The following AMN variants were observed in gnomAD, a reference collection of about 807,000 sequenced individuals.
AMN encodes protein amnionless.
AMN carries 40 observed loss-of-function variants against 49.1 expected under a neutral mutation model. The observed-to-expected ratio is 0.81, with a 90% CI of 0.63 to 1.06. AMN has a LOEUF of 1.06. Among genes scored for constraint, AMN ranks in the 50% least tolerant of loss-of-function variants. The pLI, the probability that AMN is intolerant of heterozygous loss-of-function variation, is 0.00. For synonymous variants in AMN, 380 were observed against 313.3 expected, an observed-to-expected ratio of 1.21 and a Z score of -2.25; for missense variants, 701 against 662.8, an observed-to-expected ratio of 1.06 and a Z score of -0.63.
chr14:102,923,788 A>G lies in AMN; in HGVS notation c.121A>G (p.Thr41Ala). The G allele has an allele frequency of 6.2e-7, 1 of 1,612,558 alleles. No homozygotes were observed. The highest frequency in any genetic ancestry group is 1.1e-5 in the South Asian group (1 of 91,066). ...CGCAGCCAACTGGAGCCAGAACCGG[A>G]CCCCGTGCGCCGGCGGCGCCGTTGA... is the stretch of plus-strand genomic sequence containing the variant. ...DVAANWSQNR[T>A]PCAGGAVEFP... Residue 41 changes from threonine (T) to alanine (A), a missense_variant, in exon 2 of 12, where the codon ACC becomes GCC. Transcript: ENST00000299155.
At chr14:102,929,848 G>A in intron 8 of AMN, 76 bp from the exon 9 acceptor site, 1 of 1,546,134 alleles carries the variant, frequency 6.5e-7, no homozygotes, top group Middle Eastern at 1.7e-4. Context: ...CCCACTATCT[G>A]CCTCTGCCCT....
In AMN at chr14:102,929,999, A is replaced by C; in HGVS notation, c.919A>C (p.Ile307Leu). ...SSRLREADTE[I>L]QVVLVENGPE... ...CCGGCTCCGTGAGGCCGATACGGAG[A>C]TCCAGGTGGTGCTGGTGGAGAATGG... The change falls in exon 9 of 12, where the codon ATC (isoleucine) becomes CTC (leucine). Residue 307 changes from isoleucine to leucine, a missense_variant. Coordinates refer to ENST00000299155, the MANE Select transcript of AMN (RefSeq NM_030943.4). 2 of 1,561,420 alleles carry C rather than the reference A, an allele frequency of 1.3e-6. No individual in the cohort carries two copies. Among genetic ancestry groups the C allele is most frequent in the Non-Finnish European group, 1.7e-6 (2 of 1,153,794 alleles).
chr14:102,928,685 G>C, intron 4 of AMN, 73 bp from the exon 5 acceptor site: 2 of 1,511,660 alleles, frequency 1.3e-6, no homozygotes, highest in South Asian at 2.3e-5. Flanking sequence ...GCTCAGACGC[G>C]TGGCGTGGCG....
rs747910380 is a variant in AMN, at chr14:102,922,730, C to T, written c.42C>T (p.Cys14=). The T allele has an allele frequency of 6.3e-6, 10 of 1,587,252 alleles. No homozygotes were observed. Among genetic ancestry groups the T allele is most frequent in the South Asian group, 2.3e-5 (2 of 87,236 alleles). The part of the protein sequence containing the change: ...LGRVLLWLQL[C]ALTQAVSKLW... The stretch of plus-strand genomic sequence containing the variant: ...GGGTCCTGCTGTGGCTGCAGCTCTG[C>T]GGTGAGCCGGGACCACACCGGTGCG... The change falls in exon 1 of 12, where the codon TGC becomes TGT. Residue 14 remains cysteine, a splice_region_variant and synonymous_variant. Transcript: ENST00000299155.
Position 102,929,163 on chromosome 14 carries a change from C to CG in AMN, c.557dup (p.Ala187ArgfsTer65). The CG allele has an allele frequency of 6.3e-7, 1 of 1,596,010 alleles. No homozygotes were observed. Among genetic ancestry groups the CG allele is most frequent in the East Asian group, 2.2e-5 (1 of 44,810 alleles). ...GGACCTGGCTGTTTTCCTGGCGTCCCGCGCGGGCCGCCTACGCTTCCACGG... is the reference window on the plus strand; with the variant it reads ...GGACCTGGCTGTTTTCCTGGCGTCCCGGCGCGGGCCGCCTACGCTTCCACGG... On this transcript the variant is annotated frameshift_variant, in exon 6 of 12. Transcript: ENST00000299155. LOFTEE classifies it high-confidence loss of function.
At chr14:102,922,855 G>C (rs1332980925) in intron 1 of AMN, 124 bp downstream of exon 1, 12 of 1,359,300 alleles carry the variant, frequency 8.8e-6, no homozygotes, top group African/African-American at 1.5e-5. Flanking sequence ...GCTTTGGAGG[G>C]TTGGGGGCGT....
At chr14:102,922,863 C>G in intron 1 of AMN, 132 bp downstream of exon 1, 5 of 1,279,552 alleles carry the variant, frequency 3.9e-6, no homozygotes, top group Non-Finnish European at 4.3e-6. Context: ...GGGTTGGGGG[C>G]GTGAAACTCG....
chr14:102,923,768 C>T lies in AMN; in HGVS notation c.101C>T (p.Ala34Val). 6.2e-7 allele frequency: 1 copy of T among 1,612,810 alleles called. No homozygotes were observed. The highest frequency in any genetic ancestry group is 8.5e-7 in the Non-Finnish European group (1 of 1,179,888). Residue 34 changes from alanine to valine, a missense_variant, in exon 2 of 12, where the codon GCC (alanine) becomes GTC (valine). Transcript: ENST00000299155. ...CCCAACACGGACTTCGACGTCGCAG[C>T]CAACTGGAGCCAGAACCGGACCCCG... is the stretch of plus-strand genomic sequence containing the variant. ...WVPNTDFDVA[A>V]NWSQNRTPCA... is the part of the protein sequence containing the mutation.
Position 102,930,340 on chromosome 14 carries a change from G to A in AMN, c.1169+13G>A. 1 of 1,410,216 alleles carries A rather than the reference G, an allele frequency of 7.1e-7. No homozygotes were observed. Among genetic ancestry groups the A allele is most frequent in the Non-Finnish European group, 9.2e-7 (1 of 1,089,806 alleles). The allele number at this position is 1,410,216 out of a possible 1,614,324, so 87.4% of individuals were successfully genotyped here. On this transcript the variant is annotated intron_variant, in intron 10 of 11. Coordinates refer to ENST00000299155, the MANE Select transcript of AMN (RefSeq NM_030943.4). ...CGGGGAGGCTCAGGTACGCGGGGCG[G>A]GGGCGCGGAGGTGGGGCTGGGGGTT...
rs1262170489 is a variant in AMN at position 102,930,614 on chromosome 14, C to T, written c.1296C>T (p.Ala432=). 15 of 1,592,986 alleles carry T rather than the reference C, an allele frequency of 9.4e-6. No individual in the cohort carries two copies. Among genetic ancestry groups the T allele is most frequent in the African/African-American group, 1.3e-5 (1 of 74,394 alleles). The change falls in exon 12 of 12, where the codon GCC becomes GCT. Residue 432 remains alanine (A), a synonymous_variant. Transcript: ENST00000299155. The part of the protein sequence containing the change: ...PRRLSLVPKA[A]ADSTSHSYFV... ...GGCTCAGCCTGGTTCCGAAGGCGGC[C>T]GCAGACAGCACCAGCCACAGTTACT...
At chr14:102,930,547 G>C (rs764761226) in intron 11 of AMN, 29 bp from the exon 12 acceptor site, 14 of 1,550,040 alleles carry the variant, frequency 9.0e-6, no homozygotes, top group African/African-American at 1.4e-5. Flanking sequence ...ACTCGGCGCC[G>C]ACCGCCGCCT....
chr14:102,930,070 G>T lies in AMN; in HGVS notation c.990G>T (p.Ala330=). Residue 330 remains alanine (A), a synonymous_variant, in exon 9 of 12, where the codon GCG becomes GCT. Transcript: ENST00000299155. ...GAGRLARALL[A]DVAENGEALG... Reference sequence around the variant, plus strand: ...GGCGGCTGGCCCGGGCCCTCCTGGCGGACGTCGCCGAGAACGGTAACCGCG... The same window carrying T: ...GGCGGCTGGCCCGGGCCCTCCTGGCTGACGTCGCCGAGAACGGTAACCGCG... 6.5e-7 allele frequency: 1 copy of T among 1,542,556 alleles called. No individual in the cohort carries two copies. Among genetic ancestry groups the T allele is most frequent in the South Asian group, 1.2e-5 (1 of 83,478 alleles).
rs563679178 is a variant in AMN at position 102,930,838 on chromosome 14, C to G, written c.*158C>G. 30 of 819,880 alleles carry G rather than the reference C, an allele frequency of 3.7e-5. No homozygotes were observed. The highest frequency in any genetic ancestry group is 7.0e-4 in the Middle Eastern group (2 of 2,864). The allele number at this position is 819,880 out of a possible 1,614,324, so 50.8% of individuals were successfully genotyped here. A position where few individuals can be genotyped will look rare whatever the true frequency, so the allele number is the denominator to read the frequency against. ...TGGCCTTACTCAGTAAAGGTGTTTC[C>G]TGCACCTGCTGTCAGCCTGGCTATG... is the stretch of plus-strand genomic sequence containing the variant. On this transcript the variant is annotated 3_prime_UTR_variant, in exon 12 of 12. Coordinates refer to ENST00000299155, the MANE Select transcript of AMN (RefSeq NM_030943.4).
rs1308282018 is a variant in AMN, at chr14:102,929,526, T to C, written c.750T>C (p.Cys250=). 3 of 1,537,406 alleles carry C rather than the reference T, an allele frequency of 2.0e-6. No homozygotes were observed. In the East Asian group the frequency reaches 7.3e-5, roughly 38 times the overall value. The change falls in exon 7 of 12, where the codon TGT becomes TGC. Residue 250 remains cysteine (C), a synonymous_variant. Coordinates refer to ENST00000299155, the MANE Select transcript of AMN (RefSeq NM_030943.4). ...CCCTCCGGCCCCAGGGGCAGTGCTG[T>C]GACCTCTGTGGTAAGCGCCCCCGCC... ...HSALRPQGQC[C]DLCGAVVLLT...
chr14:102,923,657 T>C, intron 1 of AMN, 54 bp from the exon 2 acceptor site: 3 of 1,512,180 alleles, frequency 2.0e-6, no homozygotes, highest in Non-Finnish European at 2.8e-6. Flanking sequence ...TGGCCTTCCC[T>C]GAGAAGGGAG....
chr14:102,923,685 C>G, intron 1 of AMN, 26 bp from the exon 2 acceptor site: 1 of 1,586,542 alleles, frequency 6.3e-7, no homozygotes, highest in Non-Finnish European at 8.6e-7. Context: ...GAGAGCATCC[C>G]GGGCACTCAG....
rs987619688 is a variant in AMN, at chr14:102,930,752, T to A, written c.*72T>A. 27 of 1,468,706 alleles carry A rather than the reference T, an allele frequency of 1.8e-5. No individual in the cohort carries two copies. The highest frequency in any genetic ancestry group is 7.4e-5 in the East Asian group (3 of 40,546). The allele number at this position is 1,468,706 out of a possible 1,614,324, so 91.0% of individuals were successfully genotyped here. A position where few individuals can be genotyped will look rare whatever the true frequency, so the allele number is the denominator to read the frequency against. On this transcript the variant is annotated 3_prime_UTR_variant, in exon 12 of 12. Transcript: ENST00000299155. ...CCAGTCGAACTGGGGGCTAGCCACC[T>A]CCTCGTCCAGCCCCCAAACCTCCCC... is the stretch of plus-strand genomic sequence containing the variant.
chr14:102,926,082 G>A (rs1891180935), intron 3 of AMN, among the ~76,000 whole-genome samples: 2 of 152,160 alleles, frequency 1.3e-5, no homozygotes, highest in Admixed American at 6.5e-5. Flanking sequence ...GCCTTGGCTG[G>A]AGGCTTTGCA....
intron 3 of AMN, among the ~76,000 whole-genome samples, chr14:102,927,783 CCAGT>C (rs910253067): frequency 2.0e-5 from 3 of 152,208 alleles, no homozygotes; most frequent in Admixed American, 6.5e-5. Flanking sequence ...TGAGGGGCGG[CCAGT>C]CAGACCCCCC....
Sources: allele counts gnomAD v4.1 joint callset (sites outside exome capture counted in the v4.1 genomes callset), GRCh38; gene constraint gnomAD v4.1.1; transcripts MANE v1.5; gene names NCBI Gene and HGNC (gene_info 2026-07-23, HGNC 2026-07-21).